The following PLAG1 variants were observed in gnomAD, a reference collection of about 807,000 sequenced individuals.
PLAG1 encodes the protein zinc finger protein PLAG1.
In PLAG1, 7 loss-of-function variants were observed where a neutral mutation model predicts 35.5. The ratio of observed to expected loss-of-function variants is 0.20; its 90% CI spans 0.11 to 0.37. The LOEUF (loss-of-function observed/expected upper bound fraction) is 0.37, where lower values mean the gene tolerates loss of function less well. Ranked by LOEUF, PLAG1 falls within the 10% of genes least tolerant of loss-of-function variation. PLAG1 has a pLI of 1.00. For missense variants in PLAG1, 454 were observed against 602.8 expected (o/e 0.75, Z 2.58); for synonymous variants, 229 against 225.4 (o/e 1.02, Z -0.14).
At chr8:56,207,565 C>T (rs960526702) in intron 1 of PLAG1, among the ~76,000 whole-genome samples, 6 of 151,994 alleles carry the variant, frequency 3.9e-5, no homozygotes, top group Non-Finnish European at 7.4e-5. Flanking sequence ...TTAGCCCACA[C>T]TTATAAATCT....
At chr8:56,201,446 A>C (rs1812551200) in intron 1 of PLAG1, among the ~76,000 whole-genome samples, 1 of 152,206 alleles carries the variant, frequency 6.6e-6, no homozygotes, top group Non-Finnish European at 1.5e-5. Context: ...CTTTAGCTTA[A>C]TAAGTTGATA....
At chr8:56,205,602 T>C (rs1812677093) in intron 1 of PLAG1, among the ~76,000 whole-genome samples, 1 of 151,934 alleles carries the variant, frequency 6.6e-6, no homozygotes, top group African/African-American at 2.4e-5. Context: ...ACAATTGTTA[T>C]TTTACTCTGA....
At chr8:56,174,128 T>C (rs1287078554) in intron 2 of PLAG1, among the ~76,000 whole-genome samples, 1 of 152,220 alleles carries the variant, frequency 6.6e-6, no homozygotes, top group Non-Finnish European at 1.5e-5. Context: ...CAAAGCTTTA[T>C]TCTCCTGTAT....
intron 1 of PLAG1, among the ~76,000 whole-genome samples, chr8:56,206,251 G>A (rs558382935): frequency 3.3e-5 from 5 of 151,870 alleles, no homozygotes; most frequent in African/African-American, 1.2e-4. Flanking sequence ...CTGGACAGCA[G>A]ACTAATCGAT....
At chr8:56,199,848 T>C (rs1812499067) in intron 1 of PLAG1, among the ~76,000 whole-genome samples, 1 of 151,884 alleles carries the variant, frequency 6.6e-6, no homozygotes, top group African/African-American at 2.4e-5. Context: ...GGTGAGAGGG[T>C]TATAGGAGAA....
chr8:56,202,936 A>G (rs547050336), intron 1 of PLAG1, among the ~76,000 whole-genome samples: 1 of 152,318 alleles, frequency 6.6e-6, no homozygotes, highest in South Asian at 2.1e-4. Flanking sequence ...CTTTTAAGAA[A>G]AACATCTGTA....
intron 1 of PLAG1, among the ~76,000 whole-genome samples, chr8:56,190,035 G>T (rs552362509): frequency 6.6e-6 from 1 of 152,284 alleles, no homozygotes; most frequent in Non-Finnish European, 1.5e-5. Flanking sequence ...ATCTCACCTG[G>T]TGACAGCAAG....
Position 56,166,551 on chromosome 8 carries a change from A to G in PLAG1, c.1195T>C (p.Ser399Pro). 1 of 1,613,956 alleles carries G rather than the reference A, an allele frequency of 6.2e-7. No individual in the cohort carries two copies. Among genetic ancestry groups the G allele is most frequent in the Non-Finnish European group, 8.5e-7 (1 of 1,179,896 alleles). ...GSLDDGAGDL[S>P]LSKSSISISD... The stretch of plus-strand genomic sequence containing the variant: ...ATGGAGATAGAGCTTTTGGATAGGG[A>G]GAGGTCTCCTGCACCATCATCTAGG... The change falls in exon 5 of 5, where the codon TCC becomes CCC. Residue 399 changes from serine (S) to proline (P), a missense_variant. Transcript: ENST00000316981.
chr8:56,193,129 T>C (rs182633634), intron 1 of PLAG1, among the ~76,000 whole-genome samples: 58 of 152,364 alleles, frequency 3.8e-4, no homozygotes, highest in African/African-American at 1.4e-3. Flanking sequence ...ATAATTGTAT[T>C]GTAATTATAC....
intron 3 of PLAG1, 21 bp from the exon 4 acceptor site, chr8:56,168,407 C>A: frequency 8.3e-7 from 1 of 1,207,214 alleles, no homozygotes; most frequent in South Asian, 2.6e-5. Flanking sequence ...AAATAAGAAA[C>A]AACTAGTTTG....
intron 1 of PLAG1, among the ~76,000 whole-genome samples, chr8:56,193,159 T>G (rs927807174): frequency 6.6e-6 from 1 of 152,214 alleles, no homozygotes; most frequent in African/African-American, 2.4e-5. Flanking sequence ...GAGTCTGTAC[T>G]TTTTGGAAAC....
At position 56,167,538 on chromosome 8, in the gene PLAG1, A is replaced by G. The variant is rs1049902379; in HGVS notation, c.243-35T>C. On this transcript the variant is annotated intron_variant, in intron 4 of 4. Coordinates refer to ENST00000316981, the MANE Select transcript of PLAG1 (RefSeq NM_002655.3). This position sits in a 1 kb window ranked among gnomAD's most constrained non-coding sequence, Gnocchi z 5.9. Reference sequence around the variant, plus strand: ...CAGATATAATCTATAAGTAGTTATTATGACAAAAATGGCATGTATTCACTT... The same window carrying G: ...CAGATATAATCTATAAGTAGTTATTGTGACAAAAATGGCATGTATTCACTT... 35 of 1,353,980 alleles carry G rather than the reference A, an allele frequency of 2.6e-5. No homozygotes were observed. In the Admixed American group the frequency reaches 5.7e-4, roughly 22 times the overall value. 83.9% of individuals were successfully genotyped at this position (1,353,980 alleles called of 1,614,324 possible).
rs1811300398 is a variant in PLAG1 at position 56,164,585 on chromosome 8, C to T, written c.*1658G>A. ...CTGTTTTTTTTTAAAGAGATATATA[C>T]TCTTCTAAAAACCTCCCACCCTTGC... On this transcript the variant is annotated 3_prime_UTR_variant, in exon 5 of 5. Transcript: ENST00000316981. 1 of 221,998 alleles carries T rather than the reference C, an allele frequency of 4.5e-6. No homozygotes were observed. Among genetic ancestry groups the T allele is most frequent in the South Asian group, 1.9e-4 (1 of 5,398 alleles). 13.8% of individuals were successfully genotyped at this position (221,998 alleles called of 1,614,324 possible). A position where few individuals can be genotyped will look rare whatever the true frequency, so the allele number is the denominator to read the frequency against.
chr8:56,198,271 A>G (rs1331115347), intron 1 of PLAG1, among the ~76,000 whole-genome samples: 1 of 152,180 alleles, frequency 6.6e-6, no homozygotes, highest in Non-Finnish European at 1.5e-5. Context: ...ATACCCACGC[A>G]TGGTATGGAG....
chr8:56,202,389 G>C (rs945432588), intron 1 of PLAG1, among the ~76,000 whole-genome samples: 2 of 152,136 alleles, frequency 1.3e-5, no homozygotes, highest in African/African-American at 2.4e-5. Flanking sequence ...CCATACACAG[G>C]GTGGCAGCAC....
chr8:56,195,606 G>C (rs1379263617), intron 1 of PLAG1, among the ~76,000 whole-genome samples: 4 of 152,172 alleles, frequency 2.6e-5, no homozygotes, highest in Non-Finnish European at 5.9e-5. Flanking sequence ...GTCCAGGGCT[G>C]GTGAAGACTG....
intron 2 of PLAG1, among the ~76,000 whole-genome samples, chr8:56,177,663 A>C (rs1811745530): frequency 6.6e-6 from 1 of 152,180 alleles, no homozygotes; most frequent in East Asian, 1.9e-4. Flanking sequence ...TCAGCACCCT[A>C]GCATGTAGCA....
intron 1 of PLAG1, among the ~76,000 whole-genome samples, chr8:56,200,282 C>T (rs963795175): frequency 2.6e-5 from 4 of 152,126 alleles, no homozygotes; most frequent in African/African-American, 4.8e-5. Context: ...AAACCCATGA[C>T]GGAAGTTCCA....
intron 1 of PLAG1, among the ~76,000 whole-genome samples, chr8:56,204,964 T>C (rs1235811041): frequency 6.6e-6 from 1 of 151,948 alleles, no homozygotes; most frequent in Non-Finnish European, 1.5e-5. Flanking sequence ...AAAGTTTAGA[T>C]ACTCTTTCAG....
Sources: gnomAD v4.1 joint callset for allele counts (sites outside exome capture counted in the v4.1 genomes callset) on GRCh38, gnomAD v4.1.1 for gene constraint, Gnocchi (gnomAD v3.1) non-coding constraint, MANE v1.5 for transcripts, NCBI Gene and HGNC (gene_info 2026-07-23, HGNC 2026-07-21) for gene names.